DHX36: variants seen among roughly 807,000 people sequenced by gnomAD.
DHX36 encodes DEAH-box helicase 36.
In DHX36, 50 loss-of-function variants were observed where a neutral mutation model predicts 139.0. That is an observed-to-expected ratio of 0.36 (90% confidence interval 0.29 to 0.46). DHX36 has a LOEUF of 0.46. Among genes scored for constraint, DHX36 ranks in the 20% least tolerant of loss-of-function variants. The pLI is 1.00. For synonymous variants in DHX36, 425 were observed against 401.9 expected (o/e 1.06, Z -0.69); for missense variants, 1,024 against 1,211.3 (o/e 0.85, Z 2.29).
In DHX36 at chr3:154,273,451, A is replaced by T. The variant is rs973853477; in HGVS notation, c.*2720T>A. The T allele has an allele frequency of 1.3e-5, 2 of 152,196 alleles. No individual in the cohort carries two copies. The highest frequency in any genetic ancestry group is 4.1e-4 in the South Asian group (2 of 4,826). 9.4% of individuals were successfully genotyped at this position (152,196 alleles called of 1,614,324 possible). ...ATAATCTTTTTTACAGAATCTCTAAATCCTTTCTTCCAAGACCATTTTGGC... is the reference window on the plus strand; with the variant it reads ...ATAATCTTTTTTACAGAATCTCTAATTCCTTTCTTCCAAGACCATTTTGGC... On this transcript the variant is annotated 3_prime_UTR_variant, in exon 25 of 25. Coordinates refer to ENST00000496811, the MANE Select transcript of DHX36 (RefSeq NM_020865.3).
chr3:154,302,811 C>G (rs111648348), intron 9 of DHX36, among the ~76,000 whole-genome samples: 6 of 152,302 alleles, frequency 3.9e-5, no homozygotes, highest in African/African-American at 1.4e-4. Context: ...GGCGTGGTGG[C>G]TCACACCTGT....
At chr3:154,291,134 CAAAAAAAAAAAAAA>C (rs71152798) in intron 15 of DHX36, among the ~76,000 whole-genome samples, 11 of 61,050 alleles carry the variant, frequency 1.8e-4, no homozygotes, top group African/African-American at 6.8e-4. Context: ...GACTCCGTCT[CAAAAAAAAAAAAAA>C]AAAAAAAAAA....
At chr3:154,311,390 G>A (rs1712759039) in intron 4 of DHX36, among the ~76,000 whole-genome samples, 1 of 152,020 alleles carries the variant, frequency 6.6e-6, no homozygotes, top group East Asian at 1.9e-4. Context: ...TAACTTATAG[G>A]AGGAAATTTT....
rs988526173 is a variant in DHX36 at position 154,306,549 on chromosome 3, T to C, written c.814-254A>G. Among the ~76,000 whole-genome samples the C allele has an allele frequency of 3.0e-4, 45 of 152,166 alleles. 1 individual carries two copies. The highest frequency in any genetic ancestry group is 5.3e-4 in the African/African-American group (22 of 41,440). On this transcript the variant is annotated intron_variant, in intron 5 of 24. Coordinates refer to ENST00000496811, the MANE Select transcript of DHX36 (RefSeq NM_020865.3). The stretch of plus-strand genomic sequence containing the variant: ...AGTTTCAAAGTGCCTTTCTATAGCA[T>C]CCTCTCATTAATTTATACTTTTCTG...
intron 24 of DHX36, 101 bp from the exon 25 acceptor site, chr3:154,276,457 G>A (rs373545859): frequency 6.1e-6 from 7 of 1,141,108 alleles, no homozygotes; most frequent in South Asian, 4.4e-5. Flanking sequence ...TTTCACAAGC[G>A]ATGGCTCAAA....
intron 22 of DHX36, chr3:154,279,742 T>C (rs1052904105): frequency 1.3e-5 from 2 of 152,210 alleles, no homozygotes; most frequent in African/African-American, 4.8e-5. Flanking sequence ...TTTAAAGTCT[T>C]TATTTTTTCA....
chr3:154,313,268 T>G (rs908045868), intron 3 of DHX36, among the ~76,000 whole-genome samples: 1 of 152,126 alleles, frequency 6.6e-6, no homozygotes, highest in Non-Finnish European at 1.5e-5. Context: ...TAGTCCAATA[T>G]TCTTTCCCAA....
In DHX36 at chr3:154,299,872, A is replaced by G. The variant is rs368332313; in HGVS notation, c.1515T>C (p.His505=). ...LPGWDNISTL[H]DLLMSQVMFK... ...ACATTACTTGTGACATCAAGAGATC[A>G]TGTAAAGTGCTGATATTGTCCCAGC... The change falls in exon 12 of 25, where the codon CAT becomes CAC. Residue 505 remains histidine, a synonymous_variant. Transcript: ENST00000496811. The G allele has an allele frequency of 2.8e-5, 45 of 1,613,672 alleles. No homozygotes were observed. Among genetic ancestry groups the G allele is most frequent in the Admixed American group, 8.3e-5 (5 of 60,018 alleles).
chr3:154,293,620 T>TA (rs1711913452), intron 14 of DHX36, 128 bp downstream of exon 14: 3 of 658,916 alleles, frequency 4.6e-6, no homozygotes, highest in East Asian at 5.7e-5. Context: ...CTCACTGCCA[T>TA]AAAAAAGGTT....
intron 12 of DHX36, among the ~76,000 whole-genome samples, chr3:154,296,469 G>A (rs953826058): frequency 1.6e-4 from 24 of 151,836 alleles, no homozygotes; most frequent in Non-Finnish European, 3.2e-4. Context: ...GCGAGACTCC[G>A]TCTCAAAAAT....
intron 1 of DHX36, among the ~76,000 whole-genome samples, chr3:154,316,500 T>G (rs779624585): frequency 6.6e-6 from 1 of 152,084 alleles, no homozygotes. Flanking sequence ...TCTCCTTATC[T>G]TAAAATTTCA....
At chr3:154,293,076 G>T (rs1485878728) in intron 14 of DHX36, among the ~76,000 whole-genome samples, 1 of 152,074 alleles carries the variant, frequency 6.6e-6, no homozygotes, top group Non-Finnish European at 1.5e-5. Context: ...ATCTGTTTCA[G>T]TGACTAAACT....
intron 14 of DHX36, among the ~76,000 whole-genome samples, chr3:154,293,089 A>G (rs1711886844): frequency 2.0e-5 from 3 of 152,164 alleles, no homozygotes; most frequent in Admixed American, 1.3e-4. Context: ...ACTAAACTAC[A>G]TCTTAGTACC....
At position 154,275,461 on chromosome 3, in the gene DHX36, G is replaced by C. The variant is rs1186799637; in HGVS notation, c.*710C>G. ...ATGAAGGGCCAACTGTATCTTACAA[G>C]ATAAGGAAAAAGGAGAGAAGCCAAG... On this transcript the variant is annotated 3_prime_UTR_variant, in exon 25 of 25. Transcript: ENST00000496811. The C allele has an allele frequency of 3.7e-5, 1 of 26,978 alleles. No homozygotes were observed. Among genetic ancestry groups the C allele is most frequent in the Admixed American group, 5.1e-4 (1 of 1,950 alleles). 1.7% of individuals were successfully genotyped at this position (26,978 alleles called of 1,614,324 possible).
At chr3:154,297,606 G>A (rs1712093170) in intron 12 of DHX36, among the ~76,000 whole-genome samples, 2 of 152,138 alleles carry the variant, frequency 1.3e-5, no homozygotes, top group East Asian at 1.9e-4. Flanking sequence ...AGCTACTCGG[G>A]AGGCTGAGGC....
chr3:154,317,118 A>T (rs1464366354), intron 1 of DHX36, among the ~76,000 whole-genome samples: 1 of 152,086 alleles, frequency 6.6e-6, no homozygotes, highest in African/African-American at 2.4e-5. Flanking sequence ...ACAAAAAGGA[A>T]GAAAGAATCA....
In DHX36 at chr3:154,316,025, A is replaced by G; in HGVS notation, c.368+14T>C. On this transcript the variant is annotated intron_variant, in intron 2 of 24. Transcript: ENST00000496811. ...CTCTTTGCCTATTCTTTAAAAAAAT[A>G]TTTCTTGTCGTACCCATGATCCTCA... 6.2e-7 allele frequency: 1 copy of G among 1,606,926 alleles called. No individual in the cohort carries two copies. The highest frequency in any genetic ancestry group is 8.5e-7 in the Non-Finnish European group (1 of 1,177,486).
chr3:154,290,176 A>C (rs1422672473), intron 15 of DHX36, among the ~76,000 whole-genome samples: 1 of 152,144 alleles, frequency 6.6e-6, no homozygotes, highest in African/African-American at 2.4e-5. Flanking sequence ...ATGCCTTGTG[A>C]TCAATCTTAT....
intron 16 of DHX36, among the ~76,000 whole-genome samples, 193 bp downstream of exon 16, chr3:154,289,516 G>C (rs553379154): frequency 6.6e-6 from 1 of 152,278 alleles, no homozygotes; most frequent in African/African-American, 2.4e-5. Context: ...GCCTCCTCTA[G>C]AGCAGTATAT....
Sources: allele counts gnomAD v4.1 joint callset (sites outside exome capture counted in the v4.1 genomes callset), GRCh38; gene constraint gnomAD v4.1.1; transcripts MANE v1.5; gene names NCBI Gene and HGNC (gene_info 2026-07-23, HGNC 2026-07-21).